SCAP: variants seen among roughly 807,000 people sequenced by gnomAD.
The protein encoded by SCAP is sterol regulatory element-binding protein cleavage-activating protein.
SCAP carries 65 observed loss-of-function variants against 123.6 expected under a neutral mutation model. The ratio of observed to expected loss-of-function variants is 0.53; its 90% CI spans 0.43 to 0.65. The LOEUF is 0.65. Among genes scored for constraint, SCAP ranks in the 30% least tolerant of loss-of-function variants. The probability of loss-of-function intolerance (pLI) is 0.00; values close to 1 mark genes in which losing one functional copy is unlikely to be tolerated. For synonymous variants in SCAP, 740 were observed against 726.3 expected (o/e 1.02, Z -0.30); for missense variants, 1,398 against 1,712.5 (o/e 0.82, Z 3.24).
In SCAP at chr3:47,443,106, G is replaced by GA; in HGVS notation, c.-98-16dup. On this transcript the variant is annotated splice_polypyrimidine_tract_variant and intron_variant, in intron 1 of 22. Transcript: ENST00000265565. ...TGTGCAGGTACCTGGTAAGAAGGGA[G>GA]AAAAGCCAGTTAACAAAGAGTACTT... 1 of 1,532,532 alleles carries GA rather than the reference G, an allele frequency of 6.5e-7. No homozygotes were observed. The highest frequency in any genetic ancestry group is 2.3e-5 in the East Asian group (1 of 42,670). The allele number at this position is 1,532,532 out of a possible 1,614,324, so 94.9% of individuals were successfully genotyped here.
intron 2 of SCAP, among the ~76,000 whole-genome samples, chr3:47,438,056 G>A (rs947659791): frequency 1.2e-4 from 19 of 152,138 alleles, no homozygotes; most frequent in Admixed American, 1.0e-3. Flanking sequence ...CCATTTAGAG[G>A]AAGAGACAGT....
chr3:47,449,088 G>T (rs527328748), intron 1 of SCAP, among the ~76,000 whole-genome samples: 3 of 152,232 alleles, frequency 2.0e-5, no homozygotes, highest in Admixed American at 1.3e-4. Context: ...GTATTATTTT[G>T]ATTTTTCCCA....
At chr3:47,472,368 A>G (rs1708058488) in intron 1 of SCAP, among the ~76,000 whole-genome samples, 1 of 150,494 alleles carries the variant, frequency 6.6e-6, no homozygotes. Context: ...CGGGAAGCGG[A>G]GCTTGCAGTG....
chr3:47,434,394 G>A (rs911662522), intron 3 of SCAP, among the ~76,000 whole-genome samples: 5 of 152,176 alleles, frequency 3.3e-5, no homozygotes, highest in Admixed American at 1.3e-4. Flanking sequence ...TAATGAGTGC[G>A]GTGTGATGGT....
rs1056286976 is a variant in SCAP, at chr3:47,420,035, C to T, written c.1564-331G>A. Reference sequence around the variant, plus strand: ...AGCCAGAAAGCTGCTACCATTCCTACGGTCAGAGGGCCAGCAACCTGACCT... The same window carrying T: ...AGCCAGAAAGCTGCTACCATTCCTATGGTCAGAGGGCCAGCAACCTGACCT... On this transcript the variant is annotated intron_variant, in intron 12 of 22. Transcript: ENST00000265565. This position sits in a 1 kb window ranked among gnomAD's most constrained non-coding sequence, Gnocchi z 5.0. 6.6e-6 allele frequency among the ~76,000 whole-genome samples: 1 copy of T among 152,174 alleles called. No individual in the cohort carries two copies. The highest frequency in any genetic ancestry group is 1.5e-5 in the Non-Finnish European group (1 of 68,020).
rs773156068 is a variant in SCAP at position 47,417,587 on chromosome 3, C to T, written c.2687G>A (p.Arg896Gln). ...RSSQPTQPEP[R>Q]HRAVCGRSRD... Reference sequence around the variant, plus strand: ...AGAGCGGCCACAGACCGCCCGGTGCCGGGGCTCGGGCTGAGTGGGCTGTGA... The same window carrying T: ...AGAGCGGCCACAGACCGCCCGGTGCTGGGGCTCGGGCTGAGTGGGCTGTGA... The change falls in exon 17 of 23, where the codon CGG becomes CAG. Residue 896 changes from arginine to glutamine, a missense_variant. Transcript: ENST00000265565. The T allele has an allele frequency of 1.6e-5, 25 of 1,595,462 alleles. No individual in the cohort carries two copies. Among genetic ancestry groups the T allele is most frequent in the Admixed American group, 8.8e-5 (5 of 56,684 alleles).
At chr3:47,468,230 T>C (rs1175930394) in intron 1 of SCAP, among the ~76,000 whole-genome samples, 2 of 152,214 alleles carry the variant, frequency 1.3e-5, no homozygotes, top group Non-Finnish European at 2.9e-5. Flanking sequence ...TTTGGGTATA[T>C]GCCCAGTAAT....
At position 47,421,141 on chromosome 3, in the gene SCAP, A is replaced by C. The variant is rs1382071262; in HGVS notation, c.1246-112T>G. The C allele has an allele frequency of 3.7e-6, 3 of 806,922 alleles. No individual in the cohort carries two copies. In the African/African-American group the frequency reaches 5.0e-5, roughly 14 times the overall value. 50.0% of individuals were successfully genotyped at this position (806,922 alleles called of 1,614,324 possible). On this transcript the variant is annotated intron_variant, in intron 10 of 22. Coordinates refer to ENST00000265565, the MANE Select transcript of SCAP (RefSeq NM_012235.4). ...CATAACCGGCAGGGCAGCAGCAGGC[A>C]GGGCACAGCAGAGATGAGAGATGCT...
At chr3:47,418,088 A>T in intron 16 of SCAP, 46 bp downstream of exon 16, 1 of 1,176,984 alleles carries the variant, frequency 8.5e-7, no homozygotes, top group Non-Finnish European at 1.1e-6. Context: ...GGGTGGGGTG[A>T]GGGGGGTTGT....
intron 3 of SCAP, among the ~76,000 whole-genome samples, chr3:47,433,726 G>A (rs1706458749): frequency 6.6e-6 from 1 of 152,150 alleles, no homozygotes; most frequent in Non-Finnish European, 1.5e-5. Flanking sequence ...AATTAGCCGG[G>A]TGTGGTGGCA....
intron 1 of SCAP, among the ~76,000 whole-genome samples, chr3:47,459,415 A>G (rs955012758): frequency 6.6e-6 from 1 of 152,228 alleles, no homozygotes; most frequent in African/African-American, 2.4e-5. Context: ...TACTACTTCA[A>G]TATTAGGGGA....
rs1466550927 is a variant in SCAP, at chr3:47,414,613, G to A, written c.3346C>T (p.Gln1116Ter). Residue 1116 changes from glutamine to a stop codon, truncating the protein, a stop_gained, in exon 21 of 23, where the codon CAG (glutamine) becomes TAG (stop). Transcript: ENST00000265565. LOFTEE classifies it high-confidence loss of function. ...LEDSCCLFTL[Q>*]GHSGAITTVY... is the part of the protein sequence containing the mutation. Reference sequence around the variant, plus strand: ...GTCGTGATGGCCCCTGAGTGGCCCTGAAGGGTGAAGAGGCAGCACGAGTCC... The same window carrying A: ...GTCGTGATGGCCCCTGAGTGGCCCTAAAGGGTGAAGAGGCAGCACGAGTCC... 6.2e-7 allele frequency: 1 copy of A among 1,613,452 alleles called. No homozygotes were observed. Among genetic ancestry groups the A allele is most frequent in the South Asian group, 1.1e-5 (1 of 91,092 alleles).
chr3:47,428,823 CAGATA>C (rs1169012123), intron 3 of SCAP, 153 bp from the exon 4 acceptor site: 1 of 749,574 alleles, frequency 1.3e-6, no homozygotes, highest in African/African-American at 1.8e-5. Context: ...TGCAGGATGG[CAGATA>C]AGAAAAGAAA....
chr3:47,435,033 C>T lies in SCAP; in HGVS notation c.227G>A (p.Gly76Glu). ...PPPVDSDRKQ[G>E]EPTEQPEWYV... Reference sequence around the variant, plus strand: ...CCACTCAGGCTGCTCAGTAGGCTCTCCTTGTTTGCGGTCAGAGTCCACAGG... The same window carrying T: ...CCACTCAGGCTGCTCAGTAGGCTCTTCTTGTTTGCGGTCAGAGTCCACAGG... The change falls in exon 3 of 23, where the codon GGA (glycine) becomes GAA (glutamate). Residue 76 changes from glycine (G) to glutamate (E), a missense_variant. Physicochemically the swap from Gly to Glu is moderately conservative, Grantham distance 98 (BLOSUM62 -2). Coordinates refer to ENST00000265565, the MANE Select transcript of SCAP (RefSeq NM_012235.4). 1.2e-6 allele frequency: 2 copies of T among 1,614,160 alleles called. No homozygotes were observed. The highest frequency in any genetic ancestry group is 1.7e-6 in the Non-Finnish European group (2 of 1,180,012).
intron 2 of SCAP, among the ~76,000 whole-genome samples, chr3:47,437,544 C>G (rs1276784730): frequency 6.6e-6 from 1 of 151,512 alleles, no homozygotes; most frequent in Non-Finnish European, 1.5e-5. Context: ...AGTTTGAGAC[C>G]AGCCTGGGCA....
intron 1 of SCAP, among the ~76,000 whole-genome samples, chr3:47,447,670 T>C (rs562474785): frequency 1.9e-3 from 241 of 124,628 alleles, no homozygotes; most frequent in African/African-American, 6.9e-3. Context: ...GCCTGGGCAA[T>C]ACAGCGAGAC....
intron 16 of SCAP, 152 bp from the exon 17 acceptor site, chr3:47,417,978 C>T (rs1705698332): frequency 5.2e-5 from 18 of 344,150 alleles, no homozygotes; most frequent in East Asian, 2.0e-4. Context: ...GAGGGGGGTA[C>T]GGGGTGGTGG....
At chr3:47,414,503 C>T (rs1372864981) in intron 21 of SCAP, 69 bp downstream of exon 21, 4 of 1,598,756 alleles carry the variant, frequency 2.5e-6, no homozygotes, top group Non-Finnish European at 3.4e-6. Flanking sequence ...CCCTGGGGAC[C>T]AGCTCCCAGG....
chr3:47,434,479 A>C (rs1220165857), intron 3 of SCAP, among the ~76,000 whole-genome samples: 1 of 152,228 alleles, frequency 6.6e-6, no homozygotes, highest in Admixed American at 6.5e-5. Flanking sequence ...GCCCAGAGAC[A>C]GTCAACTGAA....
Sources: allele counts gnomAD v4.1 joint callset (sites outside exome capture counted in the v4.1 genomes callset), GRCh38; gene constraint gnomAD v4.1.1; non-coding constraint Gnocchi (gnomAD v3.1); transcripts MANE v1.5; gene names NCBI Gene and HGNC (gene_info 2026-07-23, HGNC 2026-07-21).